TAF11L12: variants seen among roughly 807,000 people sequenced by gnomAD.
TAF11L12 encodes the protein TATA-box binding protein associated factor 11 like 12, also known as TATA-box-binding protein-associated factor 11-like protein 12.
At chr5:17,611,687 C>T, downstream of TAF11L12, 2 of 395,842 alleles carry the variant, frequency 5.1e-6, no homozygotes. Context: ...TCAGTCCACC[C>T]TGGATTCACC....
At chr5:17,610,876 A>G in exon 1 of TAF11L12, 1 of 396,006 alleles carries the variant, frequency 2.5e-6, no homozygotes, top group Non-Finnish European at 4.5e-6. Flanking sequence ...GCACAGCAGA[A>G]ACACAGCAGC....
At position 17,611,370 on chromosome 5, in the gene TAF11L12, T is replaced by C. The variant is rs559665388; in HGVS notation, c.381T>C (p.Ser127=). Residue 127 remains serine (S), a synonymous_variant, in exon 1 of 1, where the codon TCT becomes TCC. Coordinates refer to ENST00000503184, the Ensembl canonical transcript of TAF11L12. Reference sequence around the variant, plus strand: ...CACGCATTGCAGCTCTGATGCAGTCTATCACTGGCAGATCGGTGTCTGAGA... The same window carrying C: ...CACGCATTGCAGCTCTGATGCAGTCCATCACTGGCAGATCGGTGTCTGAGA... The C allele has an allele frequency of 8.7e-4, 348 of 397,958 alleles. 12 individuals carry two copies. Among genetic ancestry groups the C allele is most frequent in the African/African-American group, 6.3e-3 (303 of 48,376 alleles). The allele number at this position is 397,958 out of a possible 1,614,324, so 24.7% of individuals were successfully genotyped here.
At chr5:17,611,196 C>A (rs1197871893) in exon 1 of TAF11L12, 1 of 398,038 alleles carries the variant, frequency 2.5e-6, no homozygotes, top group Non-Finnish European at 4.4e-6. Flanking sequence ...CTCCTGCAGC[C>A]AAAAGACAGA....
exon 1 of TAF11L12, chr5:17,611,291 C>A (rs1278598539): frequency 2.5e-6 from 1 of 398,146 alleles, no homozygotes; most frequent in Non-Finnish European, 4.4e-6. Context: ...TATGCCATGT[C>A]TGAGGAGCAG....
At chr5:17,611,016 G>C (rs374660585) in exon 1 of TAF11L12, 9 of 397,746 alleles carry the variant, frequency 2.3e-5, no homozygotes, top group Non-Finnish European at 4.0e-5. Flanking sequence ...AAAGAGGTGC[G>C]TCTGCTGAGA....
At chr5:17,611,134 C>G (rs921086865) in exon 1 of TAF11L12, 31 of 397,822 alleles carry the variant, frequency 7.8e-5, no homozygotes, top group Admixed American at 5.3e-4. Context: ...GCTCAGAAGT[C>G]AGGATGTCAT....
At chr5:17,611,253 A>T in exon 1 of TAF11L12, 1 of 398,324 alleles carries the variant, frequency 2.5e-6, no homozygotes, top group East Asian at 3.6e-5. Context: ...CCGTGGATGC[A>T]GAGGAGGCTC....
At chr5:17,611,602 GGGTC>G, downstream of TAF11L12, 1 of 398,078 alleles carries the variant, frequency 2.5e-6, no homozygotes, top group South Asian at 1.3e-4. Flanking sequence ...CCAGAGGGAA[GGGTC>G]TGTTTGTGCA....
At chr5:17,610,623 C>G (rs759254622) in exon 1 of TAF11L12, 6 of 202,188 alleles carry the variant, frequency 3.0e-5, no homozygotes, top group Non-Finnish European at 4.9e-5. Flanking sequence ...CCAGACCCAT[C>G]CTGGAGGTCC....
downstream of TAF11L12, among the ~76,000 whole-genome samples, chr5:17,611,877 T>G (rs748964667): frequency 9.2e-5 from 14 of 151,404 alleles, 1 homozygote; most frequent in Non-Finnish European, 1.9e-4. Context: ...GACAGGTAGC[T>G]GCATTTGGAG....
At chr5:17,610,770 C>T (rs1739260039) in exon 1 of TAF11L12, 1 of 378,388 alleles carries the variant, frequency 2.6e-6, no homozygotes. Context: ...TCTCCATCCA[C>T]AAGTTTCTTC....
At chr5:17,610,554 CACCA>C (rs983948675) in exon 1 of TAF11L12, 3 of 158,360 alleles carry the variant, frequency 1.9e-5, no homozygotes, top group Admixed American at 6.5e-5. Flanking sequence ...TGAATTCTGC[CACCA>C]ACACGAATGA....
At chr5:17,611,585 C>T, downstream of TAF11L12, 1 of 398,060 alleles carries the variant, frequency 2.5e-6, no homozygotes, top group Non-Finnish European at 4.4e-6. Context: ...ATGTTCTAAG[C>T]CCAAGGCCAG....
chr5:17,611,494 C>T (rs1739275663), exon 1 of TAF11L12: 3 of 397,850 alleles, frequency 7.5e-6, no homozygotes, highest in South Asian at 1.3e-4. Flanking sequence ...AACGCCCCCG[C>T]TGCAGCCCAA....
At chr5:17,611,973 T>G (rs534861206), downstream of TAF11L12, among the ~76,000 whole-genome samples, 45 of 151,598 alleles carry the variant, frequency 3.0e-4, 2 homozygotes, top group Non-Finnish European at 6.2e-4. Context: ...ATGTCTGGGT[T>G]TCAGTAAGCG....
exon 1 of TAF11L12, chr5:17,611,521 G>A (rs565311296): frequency 3.5e-5 from 14 of 397,928 alleles, no homozygotes; most frequent in African/African-American, 8.3e-5. Flanking sequence ...AAGGGAGGCC[G>A]TTCGCAGGTT....
At chr5:17,611,476 T>C (rs1739275296) in exon 1 of TAF11L12, 1 of 397,696 alleles carries the variant, frequency 2.5e-6, no homozygotes, top group African/African-American at 2.1e-5. Context: ...GTGCGAGATG[T>C]GGGGAGAAAC....
At chr5:17,611,368 T>G (rs1281859963) in exon 1 of TAF11L12, 2 of 397,826 alleles carry the variant, frequency 5.0e-6, no homozygotes, top group Non-Finnish European at 8.9e-6. Context: ...TCTGATGCAG[T>G]CTATCACTGG....
In TAF11L12 at chr5:17,611,525, G is replaced by A. The variant is rs1351791658; in HGVS notation, c.536G>A (p.Arg179His). Residue 179 changes from arginine (R) to histidine (H), a missense_variant, in exon 1 of 1, where the codon CGC becomes CAC. Transcript: ENST00000503184. The stretch of plus-strand genomic sequence containing the variant: ...CCCAAGCATTTAAGGGAGGCCGTTC[G>A]CAGGTTAAAGCCCAAGGGCCTCTTC... 9 of 397,794 alleles carry A rather than the reference G, an allele frequency of 2.3e-5. 2 individuals carry two copies. Among genetic ancestry groups the A allele is most frequent in the East Asian group, 1.1e-4 (3 of 28,028 alleles). 24.6% of individuals were successfully genotyped at this position (397,794 alleles called of 1,614,324 possible).
Sources: allele counts gnomAD v4.1 joint callset (sites outside exome capture counted in the v4.1 genomes callset), GRCh38; gene constraint gnomAD v4.1.1; transcripts MANE v1.5; gene names NCBI Gene and HGNC (gene_info 2026-07-23, HGNC 2026-07-21).